The following ANKRD36C variants were observed in gnomAD, a reference collection of about 807,000 sequenced individuals.
ANKRD36C encodes the protein ankyrin repeat domain 36C.
ANKRD36C carries 61 observed loss-of-function variants against 276.4 expected under a neutral mutation model. The observed-to-expected ratio is 0.22, with a 90% CI of 0.18 to 0.27. ANKRD36C has a LOEUF of 0.27. ANKRD36C is among the 10% of genes least tolerant of loss of function. The pLI is 1.00. For synonymous variants in ANKRD36C, 483 were observed against 680.1 expected, an observed-to-expected ratio of 0.71 and a Z score of 4.51; for missense variants, 1,447 against 2,032.3, an observed-to-expected ratio of 0.71 and a Z score of 5.54.
At chr2:95,875,854 T>C (rs561980714) in intron 59 of ANKRD36C, 3 of 184,496 alleles carry the variant, frequency 1.6e-5, no homozygotes, top group South Asian at 1.8e-4. Flanking sequence ...TATATTGAAA[T>C]ACATTAGGCA....
exon 63 of ANKRD36C, chr2:95,855,515 T>C (rs1219868198): frequency 2.5e-6 from 4 of 1,611,640 alleles, no homozygotes; most frequent in East Asian, 2.2e-5. Context: ...GTTGACAAAA[T>C]CTTTCCTGCT....
chr2:95,979,957 A>G (rs1678883814), intron 5 of ANKRD36C, among the ~76,000 whole-genome samples: 1 of 152,054 alleles, frequency 6.6e-6, no homozygotes, highest in South Asian at 2.1e-4. Flanking sequence ...ATGGCTGAGC[A>G]TATAAGTATG....
intron 6 of ANKRD36C, among the ~76,000 whole-genome samples, chr2:95,965,470 A>G (rs567484797): frequency 2.6e-4 from 40 of 152,220 alleles, no homozygotes; most frequent in South Asian, 1.2e-3. Context: ...AAAGCACACA[A>G]TGGATTTTCT....
chr2:95,908,441 C>G (rs911948591), intron 42 of ANKRD36C, 61 bp downstream of exon 48: 23 of 1,353,814 alleles, frequency 1.7e-5, no homozygotes, highest in South Asian at 2.7e-5. Context: ...GATTTATTCA[C>G]GGAAGAGAAT....
intron 42 of ANKRD36C, 91 bp downstream of exon 46, chr2:95,910,282 G>T (rs985772881): frequency 2.2e-5 from 30 of 1,368,214 alleles, no homozygotes; most frequent in Non-Finnish European, 3.9e-6. Flanking sequence ...AGAAAGTGCA[G>T]CTTCGACGAG....
intron 28 of ANKRD36C, among the ~76,000 whole-genome samples, chr2:95,926,923 G>C (rs550557662): frequency 6.6e-6 from 1 of 151,668 alleles, no homozygotes; most frequent in African/African-American, 2.4e-5. Flanking sequence ...CACCCTTGGT[G>C]AAAACATGCT....
At chr2:95,894,760 T>G (rs1676487380) in intron 44 of ANKRD36C, among the ~76,000 whole-genome samples, 1 of 151,320 alleles carries the variant, frequency 6.6e-6, no homozygotes, top group Non-Finnish European at 1.5e-5. Context: ...TAATGAGTCA[T>G]TGTGTTTTTA....
intron 12 of ANKRD36C, 64 bp downstream of exon 12, chr2:95,958,527 C>CG (rs910355826): frequency 3.3e-6 from 5 of 1,528,424 alleles, no homozygotes; most frequent in African/African-American, 2.8e-5. Context: ...CTGATTTATT[C>CG]GGGGAAGGGA....
intron 6 of ANKRD36C, among the ~76,000 whole-genome samples, chr2:95,974,659 T>TC: frequency 6.7e-6 from 1 of 148,684 alleles, no homozygotes; most frequent in Non-Finnish European, 1.5e-5. Flanking sequence ...AGGCTACTTC[T>TC]TTTTTTTTTA....
intron 3 of ANKRD36C, among the ~76,000 whole-genome samples, chr2:95,985,659 T>G (rs1163176473): frequency 6.6e-6 from 1 of 152,248 alleles, no homozygotes; most frequent in East Asian, 1.9e-4. Context: ...TGCACAATTC[T>G]AACTGCGAAC....
At chr2:95,966,528 CTT>C (rs2104514711) in intron 6 of ANKRD36C, among the ~76,000 whole-genome samples, 1 of 152,158 alleles carries the variant, frequency 6.6e-6, no homozygotes, top group African/African-American at 2.4e-5. Context: ...CTATATATCT[CTT>C]TTGGTACCAG....
chr2:95,879,444 G>A (rs1274158328), intron 58 of ANKRD36C, among the ~76,000 whole-genome samples: 2 of 151,118 alleles, frequency 1.3e-5, no homozygotes, highest in Admixed American at 6.6e-5. Context: ...TACTGAGGAA[G>A]TACAAATTAA....
chr2:95,872,895 G>A (rs1241591084), intron 59 of ANKRD36C, among the ~76,000 whole-genome samples: 3 of 152,190 alleles, frequency 2.0e-5, no homozygotes, highest in East Asian at 1.9e-4. Context: ...ACACCTCTAC[G>A]CAAATAAACT....
Position 95,902,881 on chromosome 2 carries a change from A to G in ANKRD36C, c.2654-3545T>C, listed in dbSNP as rs1403171165. 5.1e-6 allele frequency: 8 copies of G among 1,568,832 alleles called. No individual in the cohort carries two copies. The highest frequency in any genetic ancestry group is 6.9e-6 in the Non-Finnish European group (8 of 1,154,512). On this transcript the variant is annotated intron_variant, in intron 42 of 66. Transcript: ENST00000456556. ...ACATGACATTAAATCTCTTTTCAAA[A>G]TTACCTCTCCTAGTTTTTTCTCCAT... is the stretch of plus-strand genomic sequence containing the variant.
rs1488222876 is a variant in ANKRD36C, at chr2:95,898,759, TACA to T, written c.2755+383_2755+385del. On this transcript the variant is annotated intron_variant, in intron 44 of 66. Transcript: ENST00000456556. ...TTCTCCTACAGTGTATATGGGTTAT[TACA>T]ACAAGTTTTCTGTCTGTTCTTAGCA... 4.8e-5 allele frequency among the ~76,000 whole-genome samples: 6 copies of T among 123,934 alleles called. 2 individuals carry two copies. The highest frequency in any genetic ancestry group is 1.6e-4 in the African/African-American group (6 of 37,062). 81.3% of individuals were successfully genotyped at this position (123,934 alleles called of 152,430 possible). A position where few individuals can be genotyped will look rare whatever the true frequency, so the allele number is the denominator to read the frequency against.
At chr2:95,976,009 C>CA (rs1009547330) in intron 6 of ANKRD36C, among the ~76,000 whole-genome samples, 1 of 151,816 alleles carries the variant, frequency 6.6e-6, no homozygotes, top group Admixed American at 6.6e-5. Context: ...TTTATGCAGC[C>CA]AAAAAAACAC....
In ANKRD36C at chr2:95,912,419, T is replaced by C. The variant is rs766225784; in HGVS notation, c.2568A>G (p.Lys856=). Residue 856 remains lysine (K), a synonymous_variant, in exon 41 of 67, where the codon AAA becomes AAG. Transcript: ENST00000456556. The stretch of plus-strand genomic sequence containing the variant: ...AGAGTTTCATTACCTTCAAGGCTGG[T>C]TTTTTCCGAGAAGACACTGAAAAGC... 12 of 1,604,504 alleles carry C rather than the reference T, an allele frequency of 7.5e-6. No individual in the cohort carries two copies. In the South Asian group the frequency reaches 1.3e-4, roughly 18 times the overall value.
At chr2:95,912,912 C>G (rs2104401537) in intron 40 of ANKRD36C, among the ~76,000 whole-genome samples, 1 of 151,496 alleles carries the variant, frequency 6.6e-6, no homozygotes, top group Non-Finnish European at 1.5e-5. Flanking sequence ...GATGACACTT[C>G]AGTTGAATGT....
chr2:95,907,038 G>T, intron 42 of ANKRD36C: 1 of 16,204 alleles, frequency 6.2e-5, no homozygotes, highest in Non-Finnish European at 1.1e-4. Context: ...TTTCAAACAT[G>T]GTATGATTTG....
Sources: gnomAD v4.1 joint callset for allele counts (sites outside exome capture counted in the v4.1 genomes callset) on GRCh38, gnomAD v4.1.1 for gene constraint, MANE v1.5 for transcripts, NCBI Gene and HGNC (gene_info 2026-07-23, HGNC 2026-07-21) for gene names.